SBNO1: variants seen among roughly 807,000 people sequenced by gnomAD.
SBNO1 encodes strawberry notch homolog 1, also known as protein strawberry notch homolog 1.
SBNO1 carries 23 observed loss-of-function variants against 173.6 expected under a neutral mutation model. That is an observed-to-expected ratio of 0.13 (90% CI 0.10 to 0.19). The LOEUF (loss-of-function observed/expected upper bound fraction) is 0.19. SBNO1 is among the 10% of genes least tolerant of loss of function. The pLI is 1.00. For synonymous variants in SBNO1, 632 were observed against 571.5 expected (o/e 1.11, Z -1.51); for missense variants, 1,238 against 1,671.2 (o/e 0.74, Z 4.52).
intron 1 of SBNO1, among the ~76,000 whole-genome samples, chr12:123,360,637 G>A (rs1429010692): frequency 2.6e-5 from 4 of 151,822 alleles, no homozygotes; most frequent in Non-Finnish European, 5.9e-5. Flanking sequence ...GTAGACAGGG[G>A]TTTCATCGTG....
At chr12:123,303,984 T>C (rs1231996541) in intron 29 of SBNO1, among the ~76,000 whole-genome samples, 1 of 131,238 alleles carries the variant, frequency 7.6e-6, no homozygotes, top group Non-Finnish European at 1.6e-5. Flanking sequence ...TGGAGTGCAG[T>C]GGTGCAATCT....
chr12:123,329,884 C>G (rs1178307268), intron 9 of SBNO1, among the ~76,000 whole-genome samples: 2 of 152,216 alleles, frequency 1.3e-5, no homozygotes, highest in African/African-American at 4.8e-5. Flanking sequence ...GATTTGCTAA[C>G]TGAACCTTAA....
chr12:123,350,545 TTCAG>T (rs1285863258), intron 1 of SBNO1, 104 bp from the exon 2 acceptor site: 10 of 930,134 alleles, frequency 1.1e-5, no homozygotes, highest in South Asian at 5.7e-5. Flanking sequence ...GACCCATTCA[TTCAG>T]TATTAATGAA....
In SBNO1 at chr12:123,296,717, C is replaced by T. The variant is rs750397783; in HGVS notation, c.4040-667G>A. On this transcript the variant is annotated intron_variant, in intron 31 of 31. Coordinates refer to ENST00000602398, the MANE Select transcript of SBNO1 (RefSeq NM_001167856.3). ...CTGAGACTACAGGCACCTGCCACCA[C>T]GCCTGGTTAATTTTTGTATTTTTAG... Among the ~76,000 whole-genome samples, 8 of 151,974 alleles carry T rather than the reference C, an allele frequency of 5.3e-5. No individual in the cohort carries two copies. In the South Asian group the frequency reaches 1.5e-3, roughly 28 times the overall value.
rs929811843 is a variant in SBNO1, at chr12:123,364,745, G to A, written c.-45C>T. On this transcript the variant is annotated 5_prime_UTR_variant, in exon 1 of 32. Coordinates refer to ENST00000602398, the MANE Select transcript of SBNO1 (RefSeq NM_001167856.3). ...GCCAGCACAGCTCCTCCCGGGAGGT[G>A]TGAGTTTGAAGGACCAGAGGCGACT... 1 of 987,896 alleles carries A rather than the reference G, an allele frequency of 1.0e-6. No individual in the cohort carries two copies. Among genetic ancestry groups the A allele is most frequent in the Non-Finnish European group, 1.2e-6 (1 of 831,346 alleles). The allele number at this position is 987,896 out of a possible 1,614,324, so 61.2% of individuals were successfully genotyped here.
At chr12:123,314,290 C>T (rs1043877474) in intron 23 of SBNO1, among the ~76,000 whole-genome samples, 10 of 151,622 alleles carry the variant, frequency 6.6e-5, no homozygotes, top group African/African-American at 2.4e-4. Flanking sequence ...CCTCAGCCTC[C>T]CAAGTAGCTG....
chr12:123,311,710 ATC>A (rs1566027627), intron 24 of SBNO1, among the ~76,000 whole-genome samples: 29 of 62,156 alleles, frequency 4.7e-4, no homozygotes, highest in African/African-American at 1.4e-3. Flanking sequence ...CTATCTATCT[ATC>A]TATCTATCTA....
chr12:123,356,110 A>G (rs913497135), intron 1 of SBNO1, among the ~76,000 whole-genome samples: 6 of 152,314 alleles, frequency 3.9e-5, no homozygotes, highest in Middle Eastern at 6.8e-3. Flanking sequence ...TGAGGAGATC[A>G]TGGAGTCGGA....
At chr12:123,358,474 C>A (rs1376288505) in intron 1 of SBNO1, among the ~76,000 whole-genome samples, 1 of 152,080 alleles carries the variant, frequency 6.6e-6, no homozygotes, top group East Asian at 1.9e-4. Context: ...GAAATACGGG[C>A]CAGGCGCGGT....
At chr12:123,305,497 A>G (rs758444482) in intron 28 of SBNO1, among the ~76,000 whole-genome samples, 1 of 152,010 alleles carries the variant, frequency 6.6e-6, no homozygotes, top group Non-Finnish European at 1.5e-5. Flanking sequence ...TGTTTTTGAG[A>G]CAGTCTTGCT....
At chr12:123,362,875 C>CA (rs1462214812) in intron 1 of SBNO1, among the ~76,000 whole-genome samples, 1 of 151,314 alleles carries the variant, frequency 6.6e-6, no homozygotes, top group Non-Finnish European at 1.5e-5. Flanking sequence ...TGCTTGAGGC[C>CA]AGTAGCTGCC....
intron 4 of SBNO1, among the ~76,000 whole-genome samples, chr12:123,343,301 G>C (rs1342035767): frequency 6.6e-6 from 1 of 152,112 alleles, no homozygotes; most frequent in African/African-American, 2.4e-5. Context: ...TGATATTTGG[G>C]GGCATGGTTT....
intron 5 of SBNO1, among the ~76,000 whole-genome samples, chr12:123,339,491 C>T (rs562552539): frequency 6.6e-6 from 1 of 152,152 alleles, no homozygotes; most frequent in Admixed American, 6.5e-5. Context: ...TAGACTAAGT[C>T]CAAAGTCCTT....
chr12:123,357,063 C>CA (rs1304251758), intron 1 of SBNO1, among the ~76,000 whole-genome samples: 4 of 151,874 alleles, frequency 2.6e-5, no homozygotes, highest in Admixed American at 6.6e-5. Context: ...TATTAAGTGT[C>CA]TACTGTGTGC....
intron 31 of SBNO1, 109 bp from the exon 32 acceptor site, chr12:123,296,159 G>T: frequency 3.1e-6 from 2 of 645,676 alleles, no homozygotes; most frequent in Non-Finnish European, 2.7e-6. Context: ...TGGACAAGAA[G>T]TTCACACAAA....
At chr12:123,312,455 T>C (rs909391484) in intron 24 of SBNO1, among the ~76,000 whole-genome samples, 1 of 152,160 alleles carries the variant, frequency 6.6e-6, no homozygotes, top group African/African-American at 2.4e-5. Context: ...CTCACATCTG[T>C]AATCCCAGCA....
intron 1 of SBNO1, among the ~76,000 whole-genome samples, chr12:123,358,742 C>CAAAAA (rs1164585887): frequency 5.1e-5 from 4 of 78,418 alleles, no homozygotes; most frequent in African/African-American, 1.7e-4. Context: ...GACTCCGTCT[C>CAAAAA]AAAAAAAAAA....
rs1304271928 is a variant in SBNO1, at chr12:123,294,396, T to C, written c.*1512A>G. ...CCCTTTCCCTCAATGCCATCTTACA[T>C]TTTAGGGATAAGTTTTAAGCCAAAC... On this transcript the variant is annotated 3_prime_UTR_variant, in exon 32 of 32. Coordinates refer to ENST00000602398, the MANE Select transcript of SBNO1 (RefSeq NM_001167856.3). 2.0e-5 allele frequency: 3 copies of C among 151,694 alleles called. No homozygotes were observed. Among genetic ancestry groups the C allele is most frequent in the Non-Finnish European group, 4.4e-5 (3 of 67,994 alleles). 9.4% of individuals were successfully genotyped at this position (151,694 alleles called of 1,614,324 possible).
At chr12:123,346,958 G>T (rs1873230114) in intron 3 of SBNO1, among the ~76,000 whole-genome samples, 1 of 150,678 alleles carries the variant, frequency 6.6e-6, no homozygotes, top group Admixed American at 6.6e-5. Context: ...GGCGCCTATA[G>T]TCCCAGCTGC....
Sources: gnomAD v4.1 joint callset for allele counts (sites outside exome capture counted in the v4.1 genomes callset) on GRCh38, gnomAD v4.1.1 for gene constraint, MANE v1.5 for transcripts, NCBI Gene and HGNC (gene_info 2026-07-23, HGNC 2026-07-21) for gene names.